MOB3B: variants seen among roughly 807,000 people sequenced by gnomAD.
The protein encoded by MOB3B is MOB kinase activator 3B, also known as MOB kinase activator-like 2B.
MOB3B carries 7 observed loss-of-function variants against 18.7 expected under a neutral mutation model. The ratio of observed to expected loss-of-function variants is 0.37; its 90% CI spans 0.21 to 0.70. The LOEUF (loss-of-function observed/expected upper bound fraction) is 0.70, where lower values mean the gene tolerates loss of function less well. MOB3B is among the 30% of genes least tolerant of loss of function. The pLI, the probability that MOB3B is intolerant of heterozygous loss-of-function variation, is 0.52. For synonymous variants in MOB3B, 111 were observed against 99.9 expected (o/e 1.11, Z -0.66); for missense variants, 253 against 281.3 (o/e 0.90, Z 0.72).
chr9:27,360,372 G>T (rs1821257094), intron 2 of MOB3B, among the ~76,000 whole-genome samples: 1 of 152,210 alleles, frequency 6.6e-6, no homozygotes, highest in African/African-American at 2.4e-5. Flanking sequence ...CGGGCATGTG[G>T]CGTGCGCCTG....
chr9:27,484,014 G>A (rs1819700698), intron 1 of MOB3B, among the ~76,000 whole-genome samples: 1 of 152,200 alleles, frequency 6.6e-6, no homozygotes, highest in African/African-American at 2.4e-5. Context: ...AGGGCAGGGT[G>A]AGGGCCCATA....
intron 2 of MOB3B, among the ~76,000 whole-genome samples, chr9:27,402,323 C>T (rs1167471822): frequency 6.6e-6 from 1 of 152,166 alleles, no homozygotes; most frequent in Non-Finnish European, 1.5e-5. Flanking sequence ...ATGCAAGCTC[C>T]ATGAGAGCCT....
chr9:27,343,975 CTAGA>C (rs1820995500), intron 3 of MOB3B, among the ~76,000 whole-genome samples: 1 of 151,924 alleles, frequency 6.6e-6, no homozygotes, highest in Non-Finnish European at 1.5e-5. Context: ...GAGTTTGAAG[CTAGA>C]TAGATGATGG....
At chr9:27,366,414 C>T (rs1483193720) in intron 2 of MOB3B, among the ~76,000 whole-genome samples, 1 of 152,188 alleles carries the variant, frequency 6.6e-6, no homozygotes, top group Non-Finnish European at 1.5e-5. Flanking sequence ...TCTTTCCCTC[C>T]TGCCCCTCCC....
Position 27,352,210 on chromosome 9 carries a change from G to T in MOB3B, c.621+6824C>A, listed in dbSNP as rs551599769. Among the ~76,000 whole-genome samples the T allele has an allele frequency of 4.6e-5, 7 of 152,070 alleles. No individual in the cohort carries two copies. The South Asian group carries it at 1.5e-3, about 32-fold the overall frequency. On this transcript the variant is annotated intron_variant, in intron 3 of 3. Transcript: ENST00000262244. ...AGCCTGGGAAACGTAGTGAGACCCT[G>T]TCTCTACAAAAAATTTAAAAATTAG...
chr9:27,461,645 C>T (rs10967946), intron 1 of MOB3B, among the ~76,000 whole-genome samples: 19,944 of 152,270 alleles, frequency 0.13, 1,451 homozygotes, highest in Non-Finnish European at 0.16. Context: ...CATCTTCTAG[C>T]TCTTCAATGG....
At chr9:27,390,791 G>A (rs1821717590) in intron 2 of MOB3B, among the ~76,000 whole-genome samples, 3 of 152,174 alleles carry the variant, frequency 2.0e-5, no homozygotes, top group Admixed American at 2.0e-4. Flanking sequence ...GGTGATATTA[G>A]GAGGTAGAGC....
chr9:27,481,654 T>C (rs924990568), intron 1 of MOB3B, among the ~76,000 whole-genome samples: 1 of 151,764 alleles, frequency 6.6e-6, no homozygotes, highest in Non-Finnish European at 1.5e-5. Flanking sequence ...GCCTCCCAAG[T>C]AGCTGGGACT....
chr9:27,509,976 C>T (rs768597163), intron 1 of MOB3B, among the ~76,000 whole-genome samples: 3 of 152,238 alleles, frequency 2.0e-5, no homozygotes, highest in South Asian at 2.1e-4. Flanking sequence ...CCACCCACCT[C>T]GCTCTCCTAA....
At chr9:27,496,778 A>G (rs568060687) in intron 1 of MOB3B, among the ~76,000 whole-genome samples, 1 of 152,350 alleles carries the variant, frequency 6.6e-6, no homozygotes, top group Admixed American at 6.5e-5. Context: ...AAAATTGTTC[A>G]TTAATTAATG....
At chr9:27,414,104 G>A (rs1171537612) in intron 2 of MOB3B, among the ~76,000 whole-genome samples, 1 of 152,194 alleles carries the variant, frequency 6.6e-6, no homozygotes, top group African/African-American at 2.4e-5. Flanking sequence ...TCTGATGGAG[G>A]AATACATGTG....
chr9:27,362,838 T>C (rs1821292502), intron 2 of MOB3B, among the ~76,000 whole-genome samples: 1 of 152,228 alleles, frequency 6.6e-6, no homozygotes, highest in South Asian at 2.1e-4. Flanking sequence ...ACAGTTTGCA[T>C]ACTATTTTCA....
chr9:27,455,567 T>C lies in MOB3B; in HGVS notation c.-17A>G. 6.2e-7 allele frequency: 1 copy of C among 1,613,876 alleles called. No individual in the cohort carries two copies. Among genetic ancestry groups the C allele is most frequent in the East Asian group, 2.2e-5 (1 of 44,874 alleles). On this transcript the variant is annotated 5_prime_UTR_variant, in exon 2 of 4. Coordinates refer to ENST00000262244, the MANE Select transcript of MOB3B (RefSeq NM_024761.5). ...TATGGACATGGTCTTCTCTTTCGCT[T>C]CCTTTCTTTTGCAGGAAGCGAAAAG...
At position 27,351,154 on chromosome 9, in the gene MOB3B, A is replaced by T. The variant is rs7858700; in HGVS notation, c.621+7880T>A. On this transcript the variant is annotated intron_variant, in intron 3 of 3. Transcript: ENST00000262244. ...CTGACCTCAGGTGATCCACCCGCCT[A>T]GGCCTCCCAAAGTGTTGGGATTACA... Among the ~76,000 whole-genome samples, 18 of 151,966 alleles carry T rather than the reference A, an allele frequency of 1.2e-4. No homozygotes were observed. In the South Asian group the frequency reaches 3.1e-3, roughly 26 times the overall value.
At chr9:27,368,915 A>T (rs1821376796) in intron 2 of MOB3B, among the ~76,000 whole-genome samples, 1 of 152,234 alleles carries the variant, frequency 6.6e-6, no homozygotes. Flanking sequence ...CCCAGCTCCC[A>T]GATGGCTGCC....
intron 1 of MOB3B, among the ~76,000 whole-genome samples, chr9:27,467,088 A>T (rs1208355939): frequency 6.6e-6 from 1 of 152,148 alleles, no homozygotes; most frequent in Non-Finnish European, 1.5e-5. Flanking sequence ...TAATGATTCT[A>T]CCCACTCTAT....
intron 1 of MOB3B, among the ~76,000 whole-genome samples, chr9:27,518,153 T>C (rs73643403): frequency 0.025 from 3,766 of 152,334 alleles, 165 homozygotes; most frequent in African/African-American, 0.085. Context: ...AGAAACCTTA[T>C]GACCACATGC....
chr9:27,458,778 A>G (rs1172197792), intron 1 of MOB3B, among the ~76,000 whole-genome samples: 1 of 151,336 alleles, frequency 6.6e-6, no homozygotes, highest in Non-Finnish European at 1.5e-5. Flanking sequence ...CTGGTCTTGA[A>G]CTCCTGACCT....
chr9:27,522,193 G>A (rs112447582), intron 1 of MOB3B, among the ~76,000 whole-genome samples: 3,155 of 123,196 alleles, frequency 0.026, 53 homozygotes, highest in Middle Eastern at 0.083. Flanking sequence ...AGTGAGCCGA[G>A]ATCGCGCCAC....
Sources: allele counts gnomAD v4.1 joint callset (sites outside exome capture counted in the v4.1 genomes callset), GRCh38; gene constraint gnomAD v4.1.1; transcripts MANE v1.5; gene names NCBI Gene and HGNC (gene_info 2026-07-23, HGNC 2026-07-21).